The following PTPRD variants were observed in gnomAD, a reference collection of about 807,000 sequenced individuals.
PTPRD encodes protein tyrosine phosphatase receptor type D.
A neutral mutation model predicts 214.5 loss-of-function variants in PTPRD; 34 were observed. That is an observed-to-expected ratio of 0.16 (90% CI 0.12 to 0.21). The LOEUF (loss-of-function observed/expected upper bound fraction) is 0.21. Ranked by LOEUF, PTPRD falls within the 10% of genes least tolerant of loss-of-function variation. The pLI, the probability that PTPRD is intolerant of heterozygous loss-of-function variation, is 1.00. For missense variants in PTPRD, 2,545 were observed against 2,398.7 expected, an observed-to-expected ratio of 1.06 and a Z score of -1.27; for synonymous variants, 1,128 against 845.7, an observed-to-expected ratio of 1.33 and a Z score of -5.79.
chr9:10,515,637 T>C (rs2049828182), intron 2 of PTPRD, among the ~76,000 whole-genome samples: 1 of 151,980 alleles, frequency 6.6e-6, no homozygotes, highest in African/African-American at 2.4e-5. Flanking sequence ...TTTTTAAAAG[T>C]ACAATACAGT....
chr9:9,427,085 T>G (rs1027379438), intron 8 of PTPRD, among the ~76,000 whole-genome samples: 12 of 152,152 alleles, frequency 7.9e-5, no homozygotes, highest in African/African-American at 2.9e-4. Context: ...AGAAGAAGGC[T>G]TCAGACGATC....
chr9:10,580,190 T>C (rs929239437), intron 2 of PTPRD, among the ~76,000 whole-genome samples: 2 of 152,248 alleles, frequency 1.3e-5, no homozygotes, highest in African/African-American at 4.8e-5. Flanking sequence ...TAGTAAAATC[T>C]CTAGCTTACC....
intron 27 of PTPRD, 171 bp from the exon 28 acceptor site, chr9:8,486,520 TCTTA>T: frequency 1.4e-6 from 1 of 731,704 alleles, no homozygotes. Context: ...ATGCTCCTTG[TCTTA>T]CTTTATTAAA....
rs566241548 is a variant in PTPRD, at chr9:9,106,568, G to A, written c.-143+76736C>T. 2.4e-4 allele frequency among the ~76,000 whole-genome samples: 32 copies of A among 131,382 alleles called. No homozygotes were observed. The East Asian group carries it at 6.3e-3, about 26-fold the overall frequency. The allele number at this position is 131,382 out of a possible 152,430, so 86.2% of individuals were successfully genotyped here. A position where few individuals can be genotyped will look rare whatever the true frequency, so the allele number is the denominator to read the frequency against. On this transcript the variant is annotated intron_variant, in intron 10 of 45. Transcript: ENST00000381196. The stretch of plus-strand genomic sequence containing the variant: ...AGAGAAGCTCCCACAAAAGGCAGCC[G>A]ATGGAGGGGTGTTTATATTTGCTGT...
intron 7 of PTPRD, among the ~76,000 whole-genome samples, chr9:9,681,955 A>T (rs138676798): frequency 3.3e-5 from 5 of 151,944 alleles, no homozygotes; most frequent in African/African-American, 9.6e-5. Flanking sequence ...TCCAGTTATT[A>T]GCATTCTAGA....
intron 31 of PTPRD, among the ~76,000 whole-genome samples, chr9:8,467,487 G>A (rs182034659): frequency 2.6e-4 from 39 of 151,868 alleles, no homozygotes; most frequent in Middle Eastern, 3.4e-3. Flanking sequence ...TATAAGGATG[G>A]CTAATATTAT....
intron 5 of PTPRD, among the ~76,000 whole-genome samples, chr9:9,904,970 A>AT (rs1321920728): frequency 2.6e-5 from 4 of 151,998 alleles, no homozygotes; most frequent in African/African-American, 4.8e-5. Flanking sequence ...ATAAACATGG[A>AT]TTTTTTTGTG....
chr9:10,208,508 C>A (rs58955485), intron 3 of PTPRD, among the ~76,000 whole-genome samples: 6 of 152,114 alleles, frequency 3.9e-5, no homozygotes, highest in African/African-American at 1.4e-4. Flanking sequence ...AGCGAGACTG[C>A]GTCTCAAAAA....
At chr9:9,968,284 A>G (rs1334388768) in intron 4 of PTPRD, among the ~76,000 whole-genome samples, 1 of 152,186 alleles carries the variant, frequency 6.6e-6, no homozygotes, top group Non-Finnish European at 1.5e-5. Context: ...GATTTGACTA[A>G]AAGTGATAAT....
At chr9:9,199,108 G>A (rs373975523) in intron 9 of PTPRD, among the ~76,000 whole-genome samples, 2 of 152,148 alleles carry the variant, frequency 1.3e-5, no homozygotes, top group East Asian at 3.9e-4. Context: ...CTTCTCTGAT[G>A]ATGAGTGCAC....
chr9:9,450,459 C>T (rs1201858926), intron 8 of PTPRD, among the ~76,000 whole-genome samples: 1 of 151,826 alleles, frequency 6.6e-6, no homozygotes, highest in African/African-American at 2.4e-5. Context: ...TAAGGCCATT[C>T]TTGCAGGAGT....
At chr9:10,005,835 T>C (rs2096462340) in intron 4 of PTPRD, among the ~76,000 whole-genome samples, 2 of 152,220 alleles carry the variant, frequency 1.3e-5, no homozygotes, top group African/African-American at 4.8e-5. Flanking sequence ...GATATTTCAT[T>C]ATAGTATTAG....
chr9:8,918,043 C>G (rs1324103651), intron 11 of PTPRD, among the ~76,000 whole-genome samples: 3 of 152,108 alleles, frequency 2.0e-5, no homozygotes, highest in Admixed American at 2.0e-4. Context: ...AACAAGCTTT[C>G]AATTAAGGGG....
At chr9:9,726,332 G>C (rs1485095027) in intron 7 of PTPRD, among the ~76,000 whole-genome samples, 1 of 152,118 alleles carries the variant, frequency 6.6e-6, no homozygotes, top group Admixed American at 6.5e-5. Context: ...AGGCTGTAAG[G>C]GGTATCTCAG....
At chr9:9,203,734 A>G (rs927983027) in intron 9 of PTPRD, among the ~76,000 whole-genome samples, 3 of 152,144 alleles carry the variant, frequency 2.0e-5, no homozygotes, top group Non-Finnish European at 4.4e-5. Context: ...GTGTTTTTGC[A>G]GTTTCTGATG....
intron 7 of PTPRD, among the ~76,000 whole-genome samples, chr9:9,585,134 G>C (rs2091705235): frequency 6.6e-6 from 1 of 151,928 alleles, no homozygotes; most frequent in East Asian, 1.9e-4. Context: ...ATGTTCTCAT[G>C]ATTACATCTT....
At position 8,686,833 on chromosome 9, in the gene PTPRD, T is replaced by C. The variant is rs191004758; in HGVS notation, c.64+46947A>G. Among the ~76,000 whole-genome samples the C allele has an allele frequency of 5.3e-5, 8 of 152,286 alleles. No homozygotes were observed. The East Asian group carries it at 1.5e-3, about 29-fold the overall frequency. On this transcript the variant is annotated intron_variant, in intron 12 of 45. Coordinates refer to ENST00000381196, the MANE Select transcript of PTPRD (RefSeq NM_002839.4). ...TAAAGCTAACTCTCTAAGGCATGGG[T>C]TAAAAGTTGAAAGCTAGCTATCAGA...
chr9:10,073,593 G>A (rs2098075897), intron 3 of PTPRD, among the ~76,000 whole-genome samples: 1 of 152,184 alleles, frequency 6.6e-6, no homozygotes, highest in South Asian at 2.1e-4. Flanking sequence ...GCTGAAAGAT[G>A]GCAGTTGGAA....
chr9:10,264,827 C>T (rs2093945225), intron 3 of PTPRD, among the ~76,000 whole-genome samples: 1 of 152,068 alleles, frequency 6.6e-6, no homozygotes, highest in African/African-American at 2.4e-5. Flanking sequence ...AATTATAGCT[C>T]CCATAATCCC....
Sources: gnomAD v4.1 joint callset for allele counts (sites outside exome capture counted in the v4.1 genomes callset) on GRCh38, gnomAD v4.1.1 for gene constraint, MANE v1.5 for transcripts, NCBI Gene and HGNC (gene_info 2026-07-23, HGNC 2026-07-21) for gene names.